Variants in HACD2 observed in about 807,000 individuals in gnomAD.
HACD2 encodes very-long-chain (3R)-3-hydroxyacyl-CoA dehydratase 2.
HACD2 carries 15 observed loss-of-function variants against 31.0 expected under a neutral mutation model. The observed-to-expected ratio is 0.48, with a 90% confidence interval of 0.32 to 0.75. The LOEUF is 0.75. Among genes scored for constraint, HACD2 ranks in the 30% least tolerant of loss-of-function variants. The probability of loss-of-function intolerance (pLI) is 0.03; values close to 1 mark genes in which losing one functional copy is unlikely to be tolerated. For missense variants in HACD2, 283 were observed against 313.0 expected (o/e 0.90, Z 0.72); for synonymous variants, 115 against 122.2 (o/e 0.94, Z 0.39).
At chr3:123,573,872 C>A (rs1167772386) in intron 2 of HACD2, among the ~76,000 whole-genome samples, 1 of 151,974 alleles carries the variant, frequency 6.6e-6, no homozygotes, top group Non-Finnish European at 1.5e-5. Flanking sequence ...CTATTTCCAC[C>A]CCTATAATTT....
At position 123,491,998 on chromosome 3, in the gene HACD2, C is replaced by G. The variant is rs2055769651; in HGVS notation, c.*2890G>C. 4.6e-5 allele frequency: 7 copies of G among 152,196 alleles called. No individual in the cohort carries two copies. Among genetic ancestry groups the G allele is most frequent in the Admixed American group, 2.6e-4 (4 of 15,286 alleles). 9.4% of individuals were successfully genotyped at this position (152,196 alleles called of 1,614,324 possible). On this transcript the variant is annotated 3_prime_UTR_variant, in exon 7 of 7. Coordinates refer to ENST00000383657, the MANE Select transcript of HACD2 (RefSeq NM_198402.5). ...GTGAAAAATGAGGGCACGATCTCTT[C>G]TTACACCTCTTCAACTCTCCAGCAT...
At chr3:123,501,830 A>C (rs916287432) in intron 5 of HACD2, among the ~76,000 whole-genome samples, 10 of 152,236 alleles carry the variant, frequency 6.6e-5, no homozygotes, top group African/African-American at 2.4e-4. Flanking sequence ...TGTTGGAAAC[A>C]ATCGGATTAT....
At chr3:123,566,068 A>G (rs1271998254) in intron 3 of HACD2, among the ~76,000 whole-genome samples, 1 of 152,112 alleles carries the variant, frequency 6.6e-6, no homozygotes, top group African/African-American at 2.4e-5. Flanking sequence ...CAAATCTACC[A>G]TTCAAAGGTC....
Position 123,556,904 on chromosome 3 carries a change from C to T in HACD2, c.292+10858G>A, listed in dbSNP as rs192687577. ...AATTAAAACAACAACTACCACTACACGCCTATTAGAATGTCTGAAGTCCAA... is the reference window on the plus strand; with the variant it reads ...AATTAAAACAACAACTACCACTACATGCCTATTAGAATGTCTGAAGTCCAA... On this transcript the variant is annotated intron_variant, in intron 3 of 6. Coordinates refer to ENST00000383657, the MANE Select transcript of HACD2 (RefSeq NM_198402.5). 2.4e-4 allele frequency among the ~76,000 whole-genome samples: 36 copies of T among 152,330 alleles called. No homozygotes were observed. The East Asian group carries it at 5.0e-3, about 21-fold the overall frequency.
intron 3 of HACD2, among the ~76,000 whole-genome samples, chr3:123,566,247 AAG>A (rs2056790560): frequency 6.6e-6 from 1 of 152,172 alleles, no homozygotes; most frequent in South Asian, 2.1e-4. Context: ...AATCCCAGGT[AAG>A]AAGTGGGAAA....
chr3:123,498,341 G>T (rs2055860006), intron 6 of HACD2, among the ~76,000 whole-genome samples: 1 of 152,230 alleles, frequency 6.6e-6, no homozygotes, highest in Non-Finnish European at 1.5e-5. Context: ...GGCTGAGACT[G>T]CAAGGGGGAA....
chr3:123,533,077 T>C (rs1386020933), intron 3 of HACD2, among the ~76,000 whole-genome samples: 1 of 152,206 alleles, frequency 6.6e-6, no homozygotes, highest in Non-Finnish European at 1.5e-5. Context: ...TGAAGCATAC[T>C]ATAGTGTGAT....
chr3:123,530,244 A>G (rs185428108), intron 3 of HACD2, among the ~76,000 whole-genome samples: 11 of 152,174 alleles, frequency 7.2e-5, no homozygotes, highest in Non-Finnish European at 1.2e-4. Flanking sequence ...ACTGAGAATT[A>G]AAGGATTTCT....
chr3:123,526,264 G>A (rs186241511), intron 4 of HACD2, among the ~76,000 whole-genome samples: 13 of 152,356 alleles, frequency 8.5e-5, no homozygotes, highest in Admixed American at 5.2e-4. Context: ...TGTCGAAGAC[G>A]TAGGGCAGGG....
At chr3:123,497,794 T>C (rs2055852360) in intron 6 of HACD2, among the ~76,000 whole-genome samples, 1 of 152,192 alleles carries the variant, frequency 6.6e-6, no homozygotes, top group Admixed American at 6.5e-5. Flanking sequence ...TCAAGCCTCA[T>C]GAGCCACAAT....
intron 2 of HACD2, among the ~76,000 whole-genome samples, chr3:123,580,946 C>A (rs1231331653): frequency 1.3e-5 from 2 of 151,338 alleles, no homozygotes; most frequent in African/African-American, 4.9e-5. Flanking sequence ...ACCTTGCCTC[C>A]CAGTAGCTGG....
chr3:123,560,672 C>T (rs1195804306), intron 3 of HACD2, among the ~76,000 whole-genome samples: 1 of 152,304 alleles, frequency 6.6e-6, no homozygotes, highest in African/African-American at 2.4e-5. Context: ...AGAAGCTGCG[C>T]CAGCCCCCAG....
chr3:123,567,355 C>T (rs1357027335), intron 3 of HACD2, among the ~76,000 whole-genome samples: 1 of 152,138 alleles, frequency 6.6e-6, no homozygotes, highest in African/African-American at 2.4e-5. Context: ...TAATATTCAC[C>T]TGGGAGGTAG....
intron 4 of HACD2, among the ~76,000 whole-genome samples, chr3:123,511,536 A>G (rs531711447): frequency 1.8e-4 from 27 of 152,370 alleles, no homozygotes; most frequent in Non-Finnish European, 3.2e-4. Context: ...AAAAGGGAAT[A>G]GAGAATAATA....
intron 6 of HACD2, among the ~76,000 whole-genome samples, chr3:123,499,050 G>A (rs2055870991): frequency 6.6e-6 from 1 of 152,194 alleles, no homozygotes; most frequent in Admixed American, 6.5e-5. Flanking sequence ...ATTTTTGTCA[G>A]TGTGGAAGCA....
At chr3:123,510,261 T>G (rs1325395351) in intron 4 of HACD2, among the ~76,000 whole-genome samples, 1 of 152,222 alleles carries the variant, frequency 6.6e-6, no homozygotes, top group East Asian at 1.9e-4. Flanking sequence ...TGTCTTTATT[T>G]TTTTGAGGTG....
intron 3 of HACD2, among the ~76,000 whole-genome samples, chr3:123,539,126 T>C (rs1700070217): frequency 6.6e-6 from 1 of 152,194 alleles, no homozygotes; most frequent in Non-Finnish European, 1.5e-5. Context: ...ATTTTTACAT[T>C]AAATAGATAA....
intron 6 of HACD2, among the ~76,000 whole-genome samples, chr3:123,496,112 C>T (rs933031405): frequency 1.3e-5 from 2 of 152,130 alleles, no homozygotes; most frequent in Non-Finnish European, 2.9e-5. Context: ...TGGTCTGGAC[C>T]TCCTGGGCTC....
intron 3 of HACD2, among the ~76,000 whole-genome samples, chr3:123,545,095 C>T (rs1212533132): frequency 7.2e-6 from 1 of 139,362 alleles, no homozygotes; most frequent in Non-Finnish European, 1.5e-5. Context: ...GTAATGAGAT[C>T]AAGGGTGTTA....
Sources: gnomAD v4.1 joint callset for allele counts (sites outside exome capture counted in the v4.1 genomes callset) on GRCh38, gnomAD v4.1.1 for gene constraint, MANE v1.5 for transcripts, NCBI Gene and HGNC (gene_info 2026-07-23, HGNC 2026-07-21) for gene names.